ACAA2: variants seen among roughly 807,000 people sequenced by gnomAD.
ACAA2 encodes acetyl-CoA acyltransferase 2, also known as 3-ketoacyl-CoA thiolase, mitochondrial.
A neutral mutation model predicts 44.8 loss-of-function variants in ACAA2; 35 were observed. The ratio of observed to expected loss-of-function variants is 0.78; its 90% CI spans 0.60 to 1.04. ACAA2 has a LOEUF of 1.04. Among genes scored for constraint, ACAA2 ranks in the 50% least tolerant of loss-of-function variants. ACAA2 has a pLI of 0.00. For synonymous variants in ACAA2, 142 were observed against 166.5 expected (o/e 0.85, Z 1.13); for missense variants, 468 against 482.6 (o/e 0.97, Z 0.28).
At chr18:49,789,975 C>A (rs2023379572) in intron 7 of ACAA2, among the ~76,000 whole-genome samples, 1 of 152,156 alleles carries the variant, frequency 6.6e-6, no homozygotes, top group Non-Finnish European at 1.5e-5. Context: ...AAAACCAACT[C>A]TGCTCTTGGG....
At chr18:49,787,260 T>TAAA (rs35932656) in intron 8 of ACAA2, 31 bp downstream of exon 8, 24,997 of 995,642 alleles carry the variant, frequency 0.025, 290 homozygotes, top group South Asian at 0.041. Context: ...TTCATGTTGT[T>TAAA]AAAAAAAAAA....
intron 2 of ACAA2, among the ~76,000 whole-genome samples, chr18:49,801,706 T>C (rs772038593): frequency 6.6e-5 from 10 of 150,388 alleles, no homozygotes; most frequent in South Asian, 2.1e-4. Context: ...GATCACATCA[T>C]TGACATCTTT....
intron 3 of ACAA2, 27 bp downstream of exon 3, chr18:49,797,439 G>A (rs369428902): frequency 1.5e-5 from 24 of 1,587,722 alleles, no homozygotes; most frequent in Middle Eastern, 2.3e-4. Context: ...CATATTTTCA[G>A]AGAATTTAAA....
At chr18:49,793,199 T>A (rs974884754) in intron 5 of ACAA2, among the ~76,000 whole-genome samples, 1 of 152,224 alleles carries the variant, frequency 6.6e-6, no homozygotes, top group African/African-American at 2.4e-5. Flanking sequence ...AATACAATTA[T>A]AAGTAAAACA....
chr18:49,786,056 T>C (rs1417776613), intron 8 of ACAA2: 1 of 152,206 alleles, frequency 6.6e-6, no homozygotes, highest in Admixed American at 6.5e-5. Flanking sequence ...TCATATGATC[T>C]TAATTCAGGA....
chr18:49,789,489 A>ATTCT (rs2023372883), intron 7 of ACAA2, among the ~76,000 whole-genome samples: 1 of 152,198 alleles, frequency 6.6e-6, no homozygotes, highest in Non-Finnish European at 1.5e-5. Context: ...CCACAGGAGC[A>ATTCT]TTCTTTGTAC....
At chr18:49,802,634 A>T in intron 2 of ACAA2, 53 bp downstream of exon 2, 1 of 1,507,842 alleles carries the variant, frequency 6.6e-7, no homozygotes, top group Non-Finnish European at 9.0e-7. Flanking sequence ...AATTATTTTT[A>T]GAAACTGATC....
intron 9 of ACAA2, among the ~76,000 whole-genome samples, chr18:49,784,653 C>T (rs888657189): frequency 1.1e-4 from 16 of 152,046 alleles, no homozygotes; most frequent in African/African-American, 3.9e-4. Context: ...TTCTACAGAG[C>T]AAAATATTCC....
chr18:49,803,275 TAATAA>T (rs2023577561), intron 1 of ACAA2, among the ~76,000 whole-genome samples: 1 of 149,090 alleles, frequency 6.7e-6, no homozygotes, highest in South Asian at 2.1e-4. Context: ...ATAATAATAA[TAATAA>T]TATCAATCCC....
At chr18:49,783,990 G>T in intron 9 of ACAA2, 59 bp from the exon 10 acceptor site, 1 of 1,370,532 alleles carries the variant, frequency 7.3e-7, no homozygotes, top group Non-Finnish European at 1.0e-6. Flanking sequence ...TAATGAAATA[G>T]AACTAATAAC....
chr18:49,787,501 C>G, intron 7 of ACAA2, 140 bp from the exon 8 acceptor site: 2 of 591,022 alleles, frequency 3.4e-6, no homozygotes, highest in South Asian at 4.8e-5. Context: ...CTACCTTGAC[C>G]GTACCTATTA....
chr18:49,795,809 C>G lies in ACAA2; in HGVS notation c.385G>C (p.Val129Leu). 1 of 1,611,280 alleles carries G rather than the reference C, an allele frequency of 6.2e-7. No individual in the cohort carries two copies. Among genetic ancestry groups the G allele is most frequent in the Non-Finnish European group, 8.5e-7 (1 of 1,178,696 alleles). ...TESMSQAPYC[V>L]RNVRFGTKLG... ...TTGGTTCCAAAACGCACATTTCTGA[C>G]ACAGTAGGGAGCTTGGCTCATGCTT... is the stretch of plus-strand genomic sequence containing the variant. Residue 129 changes from valine to leucine, a missense_variant, in exon 4 of 10, where the codon GTC becomes CTC. By Grantham distance (32) the Val-to-Leu change is conservative (BLOSUM62 1). Transcript: ENST00000285093.
chr18:49,793,927 C>A (rs1487732403), intron 5 of ACAA2, among the ~76,000 whole-genome samples: 2 of 152,118 alleles, frequency 1.3e-5, no homozygotes, highest in East Asian at 3.9e-4. Flanking sequence ...GAGAGGACAT[C>A]CTCTATATTC....
rs930278208 is a variant in ACAA2 at position 49,783,634 on chromosome 18, T to C, written c.*213A>G. On this transcript the variant is annotated 3_prime_UTR_variant, in exon 10 of 10. Transcript: ENST00000285093. Reference sequence around the variant, plus strand: ...TGAGTTTTAGCTCAGAAATACATCATATTTCACTGGTTCAAATCTGAGAGA... The same window carrying C: ...TGAGTTTTAGCTCAGAAATACATCACATTTCACTGGTTCAAATCTGAGAGA... 11 of 504,890 alleles carry C rather than the reference T, an allele frequency of 2.2e-5. No individual in the cohort carries two copies. The highest frequency in any genetic ancestry group is 7.6e-5 in the African/African-American group (4 of 52,344). 31.3% of individuals were successfully genotyped at this position (504,890 alleles called of 1,614,324 possible). A position where few individuals can be genotyped will look rare whatever the true frequency, so the allele number is the denominator to read the frequency against.
At position 49,782,764 on chromosome 18, in the gene ACAA2, C is replaced by G. The variant is rs1380101805; in HGVS notation, c.*1083G>C. 6.6e-6 allele frequency: 1 copy of G among 151,682 alleles called. No individual in the cohort carries two copies. Among genetic ancestry groups the G allele is most frequent in the African/African-American group, 2.4e-5 (1 of 41,218 alleles). 9.4% of individuals were successfully genotyped at this position (151,682 alleles called of 1,614,324 possible). ...TGGGGAGGCTGAGGCAGGAGAATGG[C>G]ATGAACCCAGGAGGCGGAGCTTGCA... On this transcript the variant is annotated 3_prime_UTR_variant, in exon 10 of 10. Coordinates refer to ENST00000285093, the MANE Select transcript of ACAA2 (RefSeq NM_006111.3).
At chr18:49,787,480 C>CT (rs1568584749) in intron 7 of ACAA2, 119 bp from the exon 8 acceptor site, 11 of 707,244 alleles carry the variant, frequency 1.6e-5, no homozygotes, top group African/African-American at 1.5e-4. Context: ...TATTAGTAGC[C>CT]ACAAATCTTA....
At chr18:49,791,419 G>GACTT in intron 7 of ACAA2, 51 bp downstream of exon 7, 1 of 1,571,946 alleles carries the variant, frequency 6.4e-7, no homozygotes, top group Non-Finnish European at 8.7e-7. Flanking sequence ...TGCCAAAGAA[G>GACTT]ACTTACCTCC....
At chr18:49,801,054 A>C (rs1399756016) in intron 2 of ACAA2, among the ~76,000 whole-genome samples, 1 of 152,242 alleles carries the variant, frequency 6.6e-6, no homozygotes, top group East Asian at 1.9e-4. Flanking sequence ...AAAGAAATAA[A>C]AAGAATCCAC....
At chr18:49,798,568 CA>C (rs2023491602) in intron 2 of ACAA2, among the ~76,000 whole-genome samples, 1 of 151,300 alleles carries the variant, frequency 6.6e-6, no homozygotes, top group Non-Finnish European at 1.5e-5. Flanking sequence ...AAATGTAAAA[CA>C]TTGGTCTATC....
Sources: allele counts gnomAD v4.1 joint callset (sites outside exome capture counted in the v4.1 genomes callset), GRCh38; gene constraint gnomAD v4.1.1; transcripts MANE v1.5; gene names NCBI Gene and HGNC (gene_info 2026-07-23, HGNC 2026-07-21).